Variants in BTBD9 observed in about 807,000 individuals in gnomAD.
The protein encoded by BTBD9 is BTB/POZ domain-containing protein 9.
In BTBD9, 49 loss-of-function variants were observed where a neutral mutation model predicts 64.3. That is an observed-to-expected ratio of 0.76 (90% CI 0.61 to 0.97). The LOEUF is 0.97. Among genes scored for constraint, BTBD9 ranks in the 50% least tolerant of loss-of-function variants. The probability of loss-of-function intolerance (pLI) is 0.00; values close to 1 mark genes in which losing one functional copy is unlikely to be tolerated. For missense variants in BTBD9, 598 were observed against 762.1 expected, an observed-to-expected ratio of 0.78 and a Z score of 2.53; for synonymous variants, 260 against 274.7, an observed-to-expected ratio of 0.95 and a Z score of 0.53.
intron 1 of BTBD9, among the ~76,000 whole-genome samples, chr6:38,636,884 G>A (rs1234422251): frequency 1.3e-5 from 2 of 152,144 alleles, no homozygotes; most frequent in African/African-American, 2.4e-5. Context: ...TAGCAGGAAT[G>A]GGTTCATTAT....
chr6:38,592,902 A>C (rs1183590152), intron 3 of BTBD9, 62 bp from the exon 4 acceptor site: 3 of 1,540,064 alleles, frequency 1.9e-6, no homozygotes, highest in East Asian at 2.3e-5. Flanking sequence ...ATGACCAATC[A>C]GTAAAAGCTT....
chr6:38,363,449 C>T (rs1217449236), intron 6 of BTBD9, among the ~76,000 whole-genome samples: 3 of 152,196 alleles, frequency 2.0e-5, no homozygotes, highest in African/African-American at 7.2e-5. Context: ...CATGGTGGTG[C>T]ACACCTGTAG....
intron 8 of BTBD9, among the ~76,000 whole-genome samples, chr6:38,285,258 G>A (rs1199356395): frequency 6.6e-6 from 1 of 152,174 alleles, no homozygotes; most frequent in Non-Finnish European, 1.5e-5. Flanking sequence ...GGACACAGAA[G>A]AGGGGAAGGA....
intron 1 of BTBD9, among the ~76,000 whole-genome samples, chr6:38,631,423 A>C (rs1191461245): frequency 1.3e-5 from 2 of 152,250 alleles, no homozygotes; most frequent in African/African-American, 4.8e-5. Flanking sequence ...TTCCTCCCTG[A>C]GTATGGGCTA....
chr6:38,222,340 A>T (rs1763234963), intron 9 of BTBD9, among the ~76,000 whole-genome samples: 1 of 131,640 alleles, frequency 7.6e-6, no homozygotes, highest in African/African-American at 2.8e-5. Context: ...GGCTTACTGC[A>T]AGCTCTGCCT....
At chr6:38,485,929 T>A (rs1771377948) in intron 6 of BTBD9, among the ~76,000 whole-genome samples, 1 of 152,238 alleles carries the variant, frequency 6.6e-6, no homozygotes, top group African/African-American at 2.4e-5. Flanking sequence ...GAAAATCTGC[T>A]GCTTAGTGTA....
At chr6:38,342,641 A>C (rs191261794) in intron 7 of BTBD9, among the ~76,000 whole-genome samples, 233 of 152,090 alleles carry the variant, frequency 1.5e-3, no homozygotes, top group African/African-American at 5.2e-3. Context: ...AGTTCATATC[A>C]GTGATTCTCA....
intron 9 of BTBD9, among the ~76,000 whole-genome samples, chr6:38,234,497 G>T (rs1763714632): frequency 6.6e-6 from 1 of 152,252 alleles, no homozygotes; most frequent in African/African-American, 2.4e-5. Flanking sequence ...ATTCATGCAT[G>T]TGGGTGTCTG....
At chr6:38,474,551 A>AAGAAG (rs374822640) in intron 6 of BTBD9, among the ~76,000 whole-genome samples, 8 of 150,192 alleles carry the variant, frequency 5.3e-5, no homozygotes, top group African/African-American at 9.8e-5. Flanking sequence ...CGGAAAAGAA[A>AAGAAG]AGAAGAGAAG....
At chr6:38,263,398 C>T (rs950646185) in intron 8 of BTBD9, among the ~76,000 whole-genome samples, 6 of 152,152 alleles carry the variant, frequency 3.9e-5, no homozygotes, top group African/African-American at 1.4e-4. Context: ...TATGTCTGTA[C>T]ATTACACAGT....
At chr6:38,601,618 A>T (rs1777241790) in intron 1 of BTBD9, among the ~76,000 whole-genome samples, 1 of 152,164 alleles carries the variant, frequency 6.6e-6, no homozygotes, top group African/African-American at 2.4e-5. Context: ...CCCAGGAGTT[A>T]AAGGCTGCAG....
chr6:38,258,614 G>A (rs930350300), intron 8 of BTBD9, among the ~76,000 whole-genome samples: 2 of 152,190 alleles, frequency 1.3e-5, no homozygotes, highest in Non-Finnish European at 2.9e-5. Context: ...ATAATGGCCG[G>A]GCGCAGTGGC....
chr6:38,529,937 A>AT (rs746027591), intron 6 of BTBD9, among the ~76,000 whole-genome samples: 1 of 152,220 alleles, frequency 6.6e-6, no homozygotes. Flanking sequence ...AAAAAGAGCC[A>AT]TATTTTTCTT....
At chr6:38,423,313 T>A (rs900142028) in intron 6 of BTBD9, among the ~76,000 whole-genome samples, 1 of 151,972 alleles carries the variant, frequency 6.6e-6, no homozygotes. Context: ...ATTATTTTTT[T>A]AAATAGTGTG....
chr6:38,445,142 AAC>A (rs1265654086), intron 6 of BTBD9, among the ~76,000 whole-genome samples: 1 of 152,194 alleles, frequency 6.6e-6, no homozygotes, highest in African/African-American at 2.4e-5. Flanking sequence ...GTCCCTGAGT[AAC>A]TACAATGAAC....
intron 10 of BTBD9, among the ~76,000 whole-genome samples, chr6:38,186,654 G>C (rs551542002): frequency 6.6e-6 from 1 of 152,312 alleles, no homozygotes; most frequent in East Asian, 1.9e-4. Context: ...CTAGGTGCCA[G>C]GGATACAAAG....
intron 6 of BTBD9, among the ~76,000 whole-genome samples, chr6:38,530,431 TTAA>T: frequency 6.6e-6 from 1 of 152,292 alleles, no homozygotes; most frequent in South Asian, 2.1e-4. Context: ...TTTGAAACCC[TTAA>T]TAAAAACTTG....
chr6:38,477,799 T>C (rs1770956458), intron 6 of BTBD9, among the ~76,000 whole-genome samples: 1 of 152,182 alleles, frequency 6.6e-6, no homozygotes, highest in African/African-American at 2.4e-5. Context: ...CCTCGAGTCA[T>C]TTAAGAATTA....
chr6:38,573,283 A>C (rs1010257937), intron 6 of BTBD9, among the ~76,000 whole-genome samples: 1 of 152,214 alleles, frequency 6.6e-6, no homozygotes, highest in Non-Finnish European at 1.5e-5. Context: ...AATTGAGTAC[A>C]ACATTTCCAG....
Sources: allele counts gnomAD v4.1 joint callset (sites outside exome capture counted in the v4.1 genomes callset), GRCh38; gene constraint gnomAD v4.1.1; transcripts MANE v1.5; gene names NCBI Gene and HGNC (gene_info 2026-07-23, HGNC 2026-07-21).